ABCB1: variants seen among roughly 807,000 people sequenced by gnomAD.
ABCB1 encodes ATP-dependent translocase ABCB1.
Under a neutral mutation model 142.0 loss-of-function variants are expected in ABCB1, and 69 were observed. The observed-to-expected ratio is 0.49, with a 90% CI of 0.40 to 0.59. The LOEUF (loss-of-function observed/expected upper bound fraction) is 0.59, where lower values mean the gene tolerates loss of function less well. ABCB1 is among the 20% of genes least tolerant of loss of function. The pLI is 0.00. For synonymous variants in ABCB1, 532 were observed against 539.2 expected, an observed-to-expected ratio of 0.99 and a Z score of 0.18; for missense variants, 1,326 against 1,554.7, an observed-to-expected ratio of 0.85 and a Z score of 2.47.
chr7:87,517,003 C>T (rs892436273), intron 23 of ABCB1, among the ~76,000 whole-genome samples: 1 of 152,016 alleles, frequency 6.6e-6, no homozygotes, highest in Non-Finnish European at 1.5e-5. Flanking sequence ...TCCAAAAGTG[C>T]CGGGATTATA....
chr7:87,620,042 AGAAAAAGTCTCATT>A (rs1820169627), intron 1 of ABCB1, among the ~76,000 whole-genome samples: 2 of 152,174 alleles, frequency 1.3e-5, no homozygotes, highest in Admixed American at 1.3e-4. Flanking sequence ...TTATTTTATG[AGAAAAAGTCTCATT>A]TAGTCTATCC....
chr7:87,633,359 A>G (rs925085713), intron 1 of ABCB1, among the ~76,000 whole-genome samples: 2 of 152,228 alleles, frequency 1.3e-5, no homozygotes, highest in South Asian at 2.1e-4. Flanking sequence ...AAGACTATAC[A>G]TAGAATAATG....
At position 87,528,318 on chromosome 7, in the gene ABCB1, T is replaced by C. The variant is rs576858263; in HGVS notation, c.2685+2976A>G. On this transcript the variant is annotated intron_variant, in intron 21 of 27. Coordinates refer to ENST00000622132, the MANE Select transcript of ABCB1 (RefSeq NM_001348946.2). The stretch of plus-strand genomic sequence containing the variant: ...TGCATAAAATTTGATCACTTTTAAC[T>C]TTTTTTAATTATAGGTTTGTGTATA... Among the ~76,000 whole-genome samples, 13 of 152,290 alleles carry C rather than the reference T, an allele frequency of 8.5e-5. No homozygotes were observed. The South Asian group carries it at 2.7e-3, about 32-fold the overall frequency.
At chr7:87,604,521 G>A (rs2130023666), upstream of ABCB1, among the ~76,000 whole-genome samples, 2 of 152,254 alleles carry the variant, frequency 1.3e-5, 1 homozygote, top group South Asian at 4.1e-4. Context: ...AAGGACATGT[G>A]ATGATAGGGG....
chr7:87,506,963 G>A lies in ABCB1; in HGVS notation c.3490-920C>T, dbSNP rs568728284. On this transcript the variant is annotated intron_variant, in intron 26 of 27. Transcript: ENST00000622132. ...GCTGTGGCTGTCTCAGAAGGCAGGA[G>A]CACTGAAGTGTATCTCATGTGAGTG... 4.8e-4 allele frequency among the ~76,000 whole-genome samples: 73 copies of A among 152,310 alleles called. 1 individual carries two copies. The South Asian group carries it at 0.015, about 31-fold the overall frequency.
chr7:87,595,220 T>C (rs551539737), intron 3 of ABCB1, among the ~76,000 whole-genome samples: 2 of 152,292 alleles, frequency 1.3e-5, no homozygotes, highest in East Asian at 3.9e-4. Flanking sequence ...TTTCGAATTC[T>C]AGATTTTCAT....
At chr7:87,565,343 T>C in intron 7 of ABCB1, 2 of 327,404 alleles carry the variant, frequency 6.1e-6, no homozygotes, top group Non-Finnish European at 6.2e-6. Context: ...CTACTGAAAA[T>C]ACACTCATAT....
chr7:87,625,196 G>T (rs1470232475), intron 1 of ABCB1, among the ~76,000 whole-genome samples: 2 of 152,058 alleles, frequency 1.3e-5, no homozygotes, highest in Admixed American at 6.5e-5. Flanking sequence ...GGCGGAACTT[G>T]CAGTAAGCGG....
intron 7 of ABCB1, among the ~76,000 whole-genome samples, chr7:87,562,561 G>C (rs890202826): frequency 6.6e-6 from 1 of 151,928 alleles, no homozygotes; most frequent in Non-Finnish European, 1.5e-5. Context: ...TCACTTCAAA[G>C]TGATACTTTA....
chr7:87,596,234 G>A (rs1281395797), intron 2 of ABCB1, among the ~76,000 whole-genome samples: 3 of 151,996 alleles, frequency 2.0e-5, no homozygotes, highest in Non-Finnish European at 4.4e-5. Flanking sequence ...AATGATGGCA[G>A]TAGACATTTT....
At chr7:87,694,686 T>C (rs1244952652) in intron 1 of ABCB1, among the ~76,000 whole-genome samples, 1 of 151,712 alleles carries the variant, frequency 6.6e-6, no homozygotes, top group Non-Finnish European at 1.5e-5. Context: ...GCTCTCTGTG[T>C]GGACTTCAGC....
chr7:87,704,243 T>C (rs1192733907), intron 1 of ABCB1, among the ~76,000 whole-genome samples: 3 of 152,132 alleles, frequency 2.0e-5, no homozygotes, highest in African/African-American at 7.2e-5. Flanking sequence ...TTATGTTTTC[T>C]TTATGGCTTA....
At chr7:87,614,404 GA>G (rs1179639659) in intron 1 of ABCB1, among the ~76,000 whole-genome samples, 2 of 149,532 alleles carry the variant, frequency 1.3e-5, no homozygotes, top group Non-Finnish European at 3.0e-5. Flanking sequence ...AGAAAAGAAA[GA>G]AAAAGGGAAA....
intron 21 of ABCB1, chr7:87,522,363 G>A: frequency 2.8e-6 from 2 of 721,904 alleles, no homozygotes; most frequent in South Asian, 2.7e-5. Context: ...AACCAAGGTG[G>A]CTATGGCAGT....
chr7:87,539,222 A>G (rs930179919), intron 19 of ABCB1, 46 bp downstream of exon 19: 2 of 1,570,570 alleles, frequency 1.3e-6, no homozygotes, highest in African/African-American at 2.7e-5. Flanking sequence ...AGGGGCACAC[A>G]TGGGGAGTTC....
At chr7:87,651,438 G>A (rs1823558256) in intron 1 of ABCB1, among the ~76,000 whole-genome samples, 1 of 151,908 alleles carries the variant, frequency 6.6e-6, no homozygotes, top group East Asian at 1.9e-4. Flanking sequence ...ATTTAAAGGG[G>A]AACTTGGAAG....
chr7:87,696,067 G>A (rs919895901), intron 1 of ABCB1, among the ~76,000 whole-genome samples: 1 of 152,072 alleles, frequency 6.6e-6, no homozygotes, highest in Non-Finnish European at 1.5e-5. Flanking sequence ...GATGGGATGG[G>A]AATATGTTTT....
chr7:87,541,502 G>T (rs2235062), intron 17 of ABCB1, 38 bp from the exon 18 acceptor site: 20 of 1,392,342 alleles, frequency 1.4e-5, no homozygotes, highest in Non-Finnish European at 1.9e-5. Context: ...AGTTCAATCA[G>T]TGAAGAACCC....
chr7:87,558,471 C>T (rs529379801), intron 8 of ABCB1, among the ~76,000 whole-genome samples: 111 of 152,190 alleles, frequency 7.3e-4, no homozygotes, highest in Non-Finnish European at 1.2e-3. Context: ...CTGTGAATAA[C>T]GACAGTTTTC....
Sources: allele counts gnomAD v4.1 joint callset (sites outside exome capture counted in the v4.1 genomes callset), GRCh38; gene constraint gnomAD v4.1.1; transcripts MANE v1.5; gene names NCBI Gene and HGNC (gene_info 2026-07-23, HGNC 2026-07-21).